Variants in RP1 observed in about 807,000 individuals in gnomAD.
RP1 encodes oxygen-regulated protein 1.
Under a neutral mutation model 14.8 loss-of-function variants are expected in RP1, and 16 were observed. The observed-to-expected ratio is 1.08, with a 90% CI of 0.73 to 1.65. The LOEUF (loss-of-function observed/expected upper bound fraction) is 1.65, where lower values mean the gene tolerates loss of function less well. Ranked by LOEUF, RP1 falls within the 40% of genes most tolerant of loss-of-function variation. The probability of loss-of-function intolerance (pLI) is 0.00; values close to 1 mark genes in which losing one functional copy is unlikely to be tolerated. For missense variants in RP1, 2,631 were observed against 2,535.0 expected (o/e 1.04, Z -0.81); for synonymous variants, 876 against 883.6 (o/e 0.99, Z 0.15).
downstream of RP1, among the ~76,000 whole-genome samples, chr8:54,771,431 A>T (rs1243727997): frequency 6.6e-6 from 1 of 152,084 alleles, no homozygotes; most frequent in East Asian, 1.9e-4. Flanking sequence ...TCAATAATGT[A>T]AGACATGTAA....
At chr8:54,733,317 A>G (rs1038320381) in intron 17 of RP1, among the ~76,000 whole-genome samples, 2 of 152,172 alleles carry the variant, frequency 1.3e-5, no homozygotes, top group Non-Finnish European at 1.5e-5. Context: ...GAAACATGCA[A>G]CACAGAACCC....
chr8:54,631,134 A>C (rs1294190786), downstream of RP1, among the ~76,000 whole-genome samples: 1 of 152,240 alleles, frequency 6.6e-6, no homozygotes, highest in Non-Finnish European at 1.5e-5. Flanking sequence ...TGCTAAAATA[A>C]CATAAATTTG....
At chr8:54,811,456 T>C (rs1258997391) in intron 24 of RP1, among the ~76,000 whole-genome samples, 1 of 152,204 alleles carries the variant, frequency 6.6e-6, no homozygotes, top group Non-Finnish European at 1.5e-5. Flanking sequence ...AGTCAACATT[T>C]TCTATACCTG....
At chr8:54,812,363 A>G (rs1585713649) in intron 24 of RP1, among the ~76,000 whole-genome samples, 1 of 152,024 alleles carries the variant, frequency 6.6e-6, no homozygotes. Flanking sequence ...CTGGTCTCGA[A>G]CTCCTGGCTT....
downstream of RP1, among the ~76,000 whole-genome samples, chr8:54,772,512 T>A (rs556106219): frequency 6.6e-6 from 1 of 152,270 alleles, no homozygotes; most frequent in East Asian, 1.9e-4. Flanking sequence ...ATAGAAGCAG[T>A]GATGGTAACA....
At chr8:54,562,393 A>C (rs1415934261) in intron 1 of RP1, among the ~76,000 whole-genome samples, 2 of 152,214 alleles carry the variant, frequency 1.3e-5, no homozygotes, top group Non-Finnish European at 2.9e-5. Context: ...AGTTAAAAGA[A>C]ATATTTTAAG....
chr8:54,789,318 C>T (rs1048095704), intron 24 of RP1, among the ~76,000 whole-genome samples: 5 of 152,150 alleles, frequency 3.3e-5, no homozygotes, highest in Non-Finnish European at 7.4e-5. Flanking sequence ...GGTTCCAAGC[C>T]AGTGGTCATG....
rs768070088 is a variant in RP1 at position 54,621,395 on chromosome 8, C to G, written c.429C>G (p.Ala143=). 5.0e-6 allele frequency: 8 copies of G among 1,612,990 alleles called. No individual in the cohort carries two copies. The South Asian group carries it at 5.5e-5, about 11-fold the overall frequency. The change falls in exon 2 of 4, where the codon GCC becomes GCG. Residue 143 remains alanine, a synonymous_variant. Coordinates refer to ENST00000220676, the MANE Select transcript of RP1 (RefSeq NM_006269.2). ...ISAHSPPHPV[A]VAAPGMPRPP... ...CGCACTCACCGCCCCACCCCGTAGC[C>G]GTCGCTGCTCCCGGCATGCCCCGCC...
chr8:54,717,436 A>G (rs948603829), intron 15 of RP1, among the ~76,000 whole-genome samples: 3 of 152,160 alleles, frequency 2.0e-5, no homozygotes, highest in Non-Finnish European at 4.4e-5. Flanking sequence ...AGATCTAGGA[A>G]TGAGGTGATG....
intron 22 of RP1, among the ~76,000 whole-genome samples, chr8:54,760,035 C>T (rs1355204676): frequency 6.6e-6 from 1 of 152,100 alleles, no homozygotes; most frequent in Non-Finnish European, 1.5e-5. Flanking sequence ...ACTTTAAGTA[C>T]TAAGCAAAAA....
At chr8:54,649,023 C>A in exon 4 of RP1, 1 of 1,524,798 alleles carries the variant, frequency 6.6e-7, no homozygotes. Context: ...CAGTGACTTG[C>A]CAGATGCAGG....
intron 19 of RP1, among the ~76,000 whole-genome samples, chr8:54,752,259 T>C (rs1809390607): frequency 6.6e-6 from 1 of 152,154 alleles, no homozygotes. Context: ...GAAATAAATG[T>C]GAGCTATACA....
chr8:54,716,445 T>C (rs1483694022), intron 15 of RP1, among the ~76,000 whole-genome samples: 1 of 152,176 alleles, frequency 6.6e-6, no homozygotes, highest in African/African-American at 2.4e-5. Flanking sequence ...CCACGGGACA[T>C]AGACCATTCT....
chr8:54,602,410 C>A (rs1303704862), intron 1 of RP1, among the ~76,000 whole-genome samples: 1 of 152,172 alleles, frequency 6.6e-6, no homozygotes. Context: ...TGTATATGTG[C>A]CACATTTTCT....
Position 54,573,420 on chromosome 8 carries a change from A to G in RP1, c.-13+14100A>G, listed in dbSNP as rs80033950. ...TAGTCTCATTTAATATTAAGACCAAAAATAAAAACCTCAGGAGAAAGACAA... is the reference window on the plus strand; with the variant it reads ...TAGTCTCATTTAATATTAAGACCAAGAATAAAAACCTCAGGAGAAAGACAA... On this transcript the variant is annotated intron_variant, in intron 1 of 22. Coordinates refer to the RP1 transcript ENST00000636932. 1.1e-4 allele frequency among the ~76,000 whole-genome samples: 17 copies of G among 152,332 alleles called. No individual in the cohort carries two copies. The East Asian group carries it at 3.1e-3, about 28-fold the overall frequency.
At chr8:54,604,947 T>C (rs1038933139) in intron 1 of RP1, among the ~76,000 whole-genome samples, 8 of 152,188 alleles carry the variant, frequency 5.3e-5, no homozygotes, top group Non-Finnish European at 8.8e-5. Flanking sequence ...TTATTAGTCT[T>C]GCTAGTGGTC....
At chr8:54,858,271 C>T (rs1436399580) in intron 27 of RP1, among the ~76,000 whole-genome samples, 1 of 152,018 alleles carries the variant, frequency 6.6e-6, no homozygotes, top group East Asian at 1.9e-4. Context: ...AGTTCAGGAT[C>T]GTATAGAGGA....
intron 17 of RP1, among the ~76,000 whole-genome samples, chr8:54,728,939 T>C (rs1230153558): frequency 1.3e-5 from 2 of 152,210 alleles, no homozygotes; most frequent in Non-Finnish European, 2.9e-5. Flanking sequence ...CTTCCTGCTA[T>C]GCCCTACAAT....
intron 12 of RP1, among the ~76,000 whole-genome samples, chr8:54,686,395 T>TC (rs1807564096): frequency 6.6e-6 from 1 of 151,748 alleles, no homozygotes; most frequent in Non-Finnish European, 1.5e-5. Flanking sequence ...AAAGTTTTTT[T>TC]TTTTTTGCCA....
Sources: allele counts gnomAD v4.1 joint callset (sites outside exome capture counted in the v4.1 genomes callset), GRCh38; gene constraint gnomAD v4.1.1; transcripts MANE v1.5; gene names NCBI Gene and HGNC (gene_info 2026-07-23, HGNC 2026-07-21).